The following METTL4 variants were observed in gnomAD, a reference collection of about 807,000 sequenced individuals.
The protein encoded by METTL4 is N(6)-adenine-specific methyltransferase METTL4.
A neutral mutation model predicts 54.0 loss-of-function variants in METTL4; 40 were observed. That is an observed-to-expected ratio of 0.74 (90% CI 0.58 to 0.96). METTL4 has a LOEUF of 0.96. Ranked by LOEUF, METTL4 falls within the 50% of genes least tolerant of loss-of-function variation. METTL4 has a pLI of 0.00. For missense variants in METTL4, 525 were observed against 549.0 expected, an observed-to-expected ratio of 0.96 and a Z score of 0.44; for synonymous variants, 169 against 183.8, an observed-to-expected ratio of 0.92 and a Z score of 0.65.
intron 3 of METTL4, among the ~76,000 whole-genome samples, chr18:2,563,438 C>CA (rs1236698744): frequency 4.0e-5 from 6 of 151,454 alleles, no homozygotes. Flanking sequence ...ACTAAAAATA[C>CA]AAAAAATTAG....
chr18:2,559,976 G>A (rs918153893), intron 3 of METTL4, among the ~76,000 whole-genome samples: 1 of 152,052 alleles, frequency 6.6e-6, no homozygotes, highest in African/African-American at 2.4e-5. Context: ...AACATCAAGT[G>A]ATCTGCCCAC....
chr18:2,565,974 G>A (rs1274548750), intron 2 of METTL4, among the ~76,000 whole-genome samples: 1 of 151,462 alleles, frequency 6.6e-6, no homozygotes, highest in Non-Finnish European at 1.5e-5. Flanking sequence ...GTGAACCCGG[G>A]AGGCGGAGCT....
intron 2 of METTL4, among the ~76,000 whole-genome samples, chr18:2,566,025 T>G (rs943332864): frequency 6.9e-6 from 1 of 144,532 alleles, no homozygotes; most frequent in African/African-American, 2.6e-5. Flanking sequence ...CCAGCTTGGG[T>G]GACAGAGCAA....
At chr18:2,552,808 A>G (rs1466340596) in intron 4 of METTL4, 44 bp from the exon 5 acceptor site, 10 of 1,316,568 alleles carry the variant, frequency 7.6e-6, no homozygotes, top group Non-Finnish European at 1.1e-5. Context: ...TCTCTATGTG[A>G]TCACTTTAAA....
Position 2,567,594 on chromosome 18 carries a change from G to A in METTL4, c.-378C>T, listed in dbSNP as rs139392794. On this transcript the variant is annotated 5_prime_UTR_variant, in exon 2 of 9. Coordinates refer to ENST00000574538, the MANE Select transcript of METTL4 (RefSeq NM_022840.5). ...CTTCTTGCTTTGGTCCTTGGGTCTA[G>A]CCACTAGGTCCACATCCTCCAAGTC... 688 of 164,608 alleles carry A rather than the reference G, an allele frequency of 4.2e-3. 8 individuals are homozygous for A. Among genetic ancestry groups the A allele is most frequent in the Admixed American group, 8.9e-3 (142 of 15,964 alleles). The allele number at this position is 164,608 out of a possible 1,614,324, so 10.2% of individuals were successfully genotyped here. A position where few individuals can be genotyped will look rare whatever the true frequency, so the allele number is the denominator to read the frequency against.
chr18:2,554,690 A>G lies in METTL4; in HGVS notation c.808T>C (p.Cys270Arg). The G allele has an allele frequency of 6.2e-7, 1 of 1,605,804 alleles. No individual in the cohort carries two copies. The highest frequency in any genetic ancestry group is 8.5e-7 in the Non-Finnish European group (1 of 1,178,138). ...TTACAGTTTAGAAGTGGTTGCATAC[A>G]AGAAATGTCAGATAAAAGAAAACTG... ...KSSFLLSDIS[C>R]MQPLLNYRKT... The change falls in exon 4 of 9, where the codon TGT becomes CGT. Residue 270 changes from cysteine to arginine, a missense_variant. Physicochemically the swap from Cys to Arg is radical, Grantham distance 180. Transcript: ENST00000574538.
In METTL4 at chr18:2,567,128, T is replaced by C; in HGVS notation, c.89A>G (p.His30Arg). 6.2e-7 allele frequency: 1 copy of C among 1,614,114 alleles called. No individual in the cohort carries two copies. Among genetic ancestry groups the C allele is most frequent in the Non-Finnish European group, 8.5e-7 (1 of 1,179,982 alleles). ...CTCCTTTTTACGGCAACAAGGTTCATGATGCTGGTGAAGTTGATAGTTTAT... is the reference window on the plus strand; with the variant it reads ...CTCCTTTTTACGGCAACAAGGTTCACGATGCTGGTGAAGTTGATAGTTTAT... ...NKINYQLHQHHEPCCRKKEFT... is the reference protein window; with the variant it reads ...NKINYQLHQHREPCCRKKEFT... Residue 30 changes from histidine to arginine, a missense_variant, in exon 2 of 9, where the codon CAT becomes CGT. By Grantham distance (29) the His-to-Arg change is conservative. Coordinates refer to ENST00000574538, the MANE Select transcript of METTL4 (RefSeq NM_022840.5).
At chr18:2,550,122 G>A (rs1258786270) in intron 5 of METTL4, among the ~76,000 whole-genome samples, 1 of 152,188 alleles carries the variant, frequency 6.6e-6, no homozygotes, top group Non-Finnish European at 1.5e-5. Context: ...TAATCGAAGT[G>A]ATGAAGGAAC....
chr18:2,551,357 A>T (rs1202992215), intron 5 of METTL4, among the ~76,000 whole-genome samples: 5 of 152,128 alleles, frequency 3.3e-5, no homozygotes, highest in African/African-American at 1.2e-4. Context: ...AGATATCTGC[A>T]CACACAGAAA....
intron 1 of METTL4, among the ~76,000 whole-genome samples, chr18:2,570,835 C>T (rs2072492188): frequency 6.6e-6 from 1 of 152,162 alleles, no homozygotes. Context: ...CTTTCATCAC[C>T]ACCACTCTCC....
intron 7 of METTL4, 44 bp from the exon 8 acceptor site, chr18:2,544,330 A>G (rs1210383884): frequency 7.1e-7 from 1 of 1,415,096 alleles, no homozygotes; most frequent in Non-Finnish European, 9.8e-7. Flanking sequence ...TTAAAAAACA[A>G]TTTTCTATAC....
rs760636466 is a variant in METTL4 at position 2,563,797 on chromosome 18, C to T, written c.459G>A (p.Lys153=). The T allele has an allele frequency of 6.9e-6, 11 of 1,600,318 alleles. No homozygotes were observed. In the South Asian group the frequency reaches 1.1e-4, roughly 16 times the overall value. The change falls in exon 3 of 9, where the codon AAG becomes AAA. Residue 153 remains lysine, a splice_region_variant and synonymous_variant. Transcript: ENST00000574538. ...TGATCAATGAACATTTTACACTTAC[C>T]TTTGTATGGTATTCCATAGCATCCA... ...GELDAMEYHT[K]IRELILDGSL... is the part of the protein sequence containing the mutation.
chr18:2,548,781 A>G (rs1012896058), intron 5 of METTL4, among the ~76,000 whole-genome samples: 6 of 152,134 alleles, frequency 3.9e-5, no homozygotes, highest in African/African-American at 1.4e-4. Flanking sequence ...GTGGACCGCC[A>G]ATCGTTTCAT....
chr18:2,543,619 C>A (rs1326486909), intron 8 of METTL4, among the ~76,000 whole-genome samples: 1 of 152,122 alleles, frequency 6.6e-6, no homozygotes, highest in Non-Finnish European at 1.5e-5. Flanking sequence ...CACATTAGTC[C>A]ATTTCTAAAG....
chr18:2,568,678 G>A (rs2072458081), intron 1 of METTL4: 1 of 152,102 alleles, frequency 6.6e-6, no homozygotes, highest in Admixed American at 6.6e-5. Context: ...CTTGAACCCA[G>A]GAGGGAGAGG....
At chr18:2,541,239 T>TA (rs1382237448) in intron 8 of METTL4, among the ~76,000 whole-genome samples, 1 of 152,192 alleles carries the variant, frequency 6.6e-6, no homozygotes, top group Admixed American at 6.5e-5. Flanking sequence ...AATATTAATT[T>TA]AAAAATAAAT....
In METTL4 at chr18:2,569,569, A is replaced by T. The variant is rs565072404; in HGVS notation, c.-439+1580T>A. On this transcript the variant is annotated intron_variant, in intron 1 of 8. Coordinates refer to ENST00000574538, the MANE Select transcript of METTL4 (RefSeq NM_022840.5). ...AGACGTGAAGATCACAGCCTGTGGGACCACTGCTGAGTGTGTGGGCACTCA... is the reference window on the plus strand; with the variant it reads ...AGACGTGAAGATCACAGCCTGTGGGTCCACTGCTGAGTGTGTGGGCACTCA... 2.0e-5 allele frequency among the ~76,000 whole-genome samples: 3 copies of T among 146,582 alleles called. No individual in the cohort carries two copies. In the East Asian group the frequency reaches 6.2e-4, roughly 30 times the overall value.
rs1430173145 is a variant in METTL4, at chr18:2,539,132, G to A, written c.1287C>T (p.Asp429=). ...AATATTCCCCATCTGGCTTGATGTA[G>A]TCTTTTAAAACCTCTGTTTAAAAAA... ...HKPPLAEVLK[D]YIKPDGEYLE... The change falls in exon 9 of 9, where the codon GAC becomes GAT. Residue 429 remains aspartate, a synonymous_variant. Coordinates refer to ENST00000574538, the MANE Select transcript of METTL4 (RefSeq NM_022840.5). 3.1e-6 allele frequency: 5 copies of A among 1,613,188 alleles called. No individual in the cohort carries two copies. The Admixed American group carries it at 8.3e-5, about 27-fold the overall frequency.
intron 5 of METTL4, among the ~76,000 whole-genome samples, chr18:2,547,832 C>T (rs2072094651): frequency 6.6e-6 from 1 of 151,926 alleles, no homozygotes; most frequent in African/African-American, 2.4e-5. Flanking sequence ...CAAAATTAAG[C>T]AAATATTGTT....
Sources: gnomAD v4.1 joint callset for allele counts (sites outside exome capture counted in the v4.1 genomes callset) on GRCh38, gnomAD v4.1.1 for gene constraint, MANE v1.5 for transcripts, NCBI Gene and HGNC (gene_info 2026-07-23, HGNC 2026-07-21) for gene names.